The following SETSIP variants were observed in gnomAD, a reference collection of about 807,000 sequenced individuals.
SETSIP encodes protein SETSIP.
Under a neutral mutation model 21.9 loss-of-function variants are expected in SETSIP, and 15 were observed. That is an observed-to-expected ratio of 0.69 (90% CI 0.46 to 1.06). The LOEUF (loss-of-function observed/expected upper bound fraction) is 1.06, where lower values mean the gene tolerates loss of function less well. Among genes scored for constraint, SETSIP ranks in the 50% least tolerant of loss-of-function variants. SETSIP has a pLI of 0.00. For missense variants in SETSIP, 310 were observed against 337.4 expected (o/e 0.92, Z 0.64); for synonymous variants, 101 against 121.2 (o/e 0.83, Z 1.09).
In SETSIP at chr1:92,074,589, C is replaced by G. The variant is rs1647797668; in HGVS notation, c.823G>C (p.Asp275His). The change falls in exon 1 of 1, where the codon GAT becomes CAT. Residue 275 changes from aspartate (D) to histidine (H), a missense_variant. Transcript: ENST00000596516. ...TCCTCCCCTTCATCATCATCTTCATCTTCTTCACCTTCATCCTCATCCCCT... is the reference window on the plus strand; with the variant it reads ...TCCTCCCCTTCATCATCATCTTCATGTTCTTCACCTTCATCCTCATCCCCT... 3 of 1,564,872 alleles carry G rather than the reference C, an allele frequency of 1.9e-6. No individual in the cohort carries two copies. The African/African-American group carries it at 4.1e-5, about 21-fold the overall frequency.
exon 1 of SETSIP, chr1:92,075,044 A>T: frequency 6.2e-7 from 1 of 1,611,886 alleles, no homozygotes; most frequent in South Asian, 1.1e-5. Context: ...TGTCACTTCA[A>T]CTTTAGTCAA....
At chr1:92,075,117 A>G in exon 1 of SETSIP, 1 of 1,611,884 alleles carries the variant, frequency 6.2e-7, no homozygotes, top group Non-Finnish European at 8.5e-7. Flanking sequence ...TGGTTGACAA[A>G]TGTTGTTACC....
chr1:92,075,067 C>G lies in SETSIP; in HGVS notation c.345G>C (p.Glu115Asp), dbSNP rs183428671. The G allele has an allele frequency of 6.3e-5, 102 of 1,611,850 alleles. No individual in the cohort carries two copies. In the African/African-American group the frequency reaches 1.3e-3, roughly 20 times the overall value. ...CAACTTTAGTCAAATAATGCAGTGCCTCTTCGTCCTCCTCCCCAAGCAGTG... is the reference window on the plus strand; with the variant it reads ...CAACTTTAGTCAAATAATGCAGTGCGTCTTCGTCCTCCTCCCCAAGCAGTG... Residue 115 changes from glutamate to aspartate, a missense_variant, in exon 1 of 1, where the codon GAG becomes GAC. Transcript: ENST00000596516.
At position 92,074,680 on chromosome 1, in the gene SETSIP, TC is replaced by T. The variant is rs1329769140; in HGVS notation, c.731del (p.Gly244GlufsTer18). The T allele has an allele frequency of 6.3e-6, 10 of 1,591,122 alleles. No homozygotes were observed. The highest frequency in any genetic ancestry group is 8.5e-6 in the Non-Finnish European group (10 of 1,173,482). On this transcript the variant is annotated frameshift_variant, in exon 1 of 1. Transcript: ENST00000596516. LOFTEE classifies it high-confidence loss of function. ...CATCATCATCATCATCATCATCTTC[TC>T]CTCCTTCTTCATCATCCATATCAGG... is the stretch of plus-strand genomic sequence containing the variant.
At chr1:92,074,871 T>G in exon 1 of SETSIP, 1 of 1,611,796 alleles carries the variant, frequency 6.2e-7, no homozygotes. Context: ...CTTGAACGTT[T>G]CGTCACATCC....
chr1:92,074,677 T>A (rs536813340), exon 1 of SETSIP: 73 of 1,589,756 alleles, frequency 4.6e-5, no homozygotes, highest in Non-Finnish European at 5.8e-5. Context: ...CATCATCATC[T>A]TCTCCTCCTT....
rs566353062 is a variant in SETSIP, at chr1:92,075,160, C to A, written c.252G>T (p.Arg84Ser). 1.1e-3 allele frequency: 1,703 copies of A among 1,611,810 alleles called. 43 individuals are homozygous for A. The South Asian group carries it at 0.018, about 17-fold the overall frequency. ...TTGGGATTTTGGCGATCAATTCTGA[C>A]CTCTTCTGAAAAAATGGTTGGCGGA... The change falls in exon 1 of 1, where the codon AGG becomes AGT. Residue 84 changes from arginine (R) to serine (S), a missense_variant. Transcript: ENST00000596516.
rs535880609 is a variant in SETSIP at position 92,075,147 on chromosome 1, C to A, written c.265G>T (p.Ala89Ser). 11 of 1,611,768 alleles carry A rather than the reference C, an allele frequency of 6.8e-6. No homozygotes were observed. In the African/African-American group the frequency reaches 1.2e-4, roughly 18 times the overall value. Residue 89 changes from alanine to serine, a missense_variant, in exon 1 of 1, where the codon GCC becomes TCC. Transcript: ENST00000596516. ...GTTACCCCAAAATTTGGGATTTTGGCGATCAATTCTGACCTCTTCTGAAAA... is the reference window on the plus strand; with the variant it reads ...GTTACCCCAAAATTTGGGATTTTGGAGATCAATTCTGACCTCTTCTGAAAA...
exon 1 of SETSIP, chr1:92,074,990 A>C (rs1425763946): frequency 4.3e-5 from 70 of 1,611,450 alleles, no homozygotes; most frequent in Non-Finnish European, 5.8e-5. Context: ...ATTTTCATCA[A>C]AATAAAAATC....
chr1:92,075,340 C>T (rs1034660386), exon 1 of SETSIP: 3 of 1,611,336 alleles, frequency 1.9e-6, no homozygotes, highest in African/African-American at 1.3e-5. Context: ...ATGTCTCCTC[C>T]AGTCCCAGAG....
Position 92,074,559 on chromosome 1 carries a change from C to A in SETSIP, c.853G>T (p.Glu285Ter). 1.3e-6 allele frequency: 2 copies of A among 1,573,528 alleles called. No homozygotes were observed. The highest frequency in any genetic ancestry group is 1.9e-5 in the Admixed American group (1 of 51,812). ...TAGTCATCTTCTCCTTCATCCTCCT[C>A]TCCTTCCTCCCCTTCATCATCATCT... is the stretch of plus-strand genomic sequence containing the variant. The change falls in exon 1 of 1, where the codon GAG becomes TAG. Residue 285 changes from glutamate to a stop codon, truncating the protein, a stop_gained. Coordinates refer to ENST00000596516, the Ensembl canonical transcript of SETSIP. LOFTEE classifies it high-confidence loss of function.
chr1:92,074,818 T>C, exon 1 of SETSIP: 1 of 1,611,578 alleles, frequency 6.2e-7, no homozygotes, highest in Non-Finnish European at 8.5e-7. Flanking sequence ...AGCTCTCTGG[T>C]TCCTCATGCT....
chr1:92,075,410 A>T (rs1298732882), exon 1 of SETSIP: 2 of 1,576,864 alleles, frequency 1.3e-6, no homozygotes, highest in Non-Finnish European at 1.7e-6. Flanking sequence ...TTTAGGGGCC[A>T]TGCTGTTAGG....
chr1:92,074,881 CT>C lies in SETSIP; in HGVS notation c.530del (p.Lys177ArgfsTer3). On this transcript the variant is annotated frameshift_variant, in exon 1 of 1. Transcript: ENST00000596516. LOFTEE classifies it high-confidence loss of function. ...TTTGACTTGAACGTTTCGTCACATC[CT>C]TTCCAGATTTCCATTTGATTTTGGT... The C allele has an allele frequency of 1.9e-6, 3 of 1,611,812 alleles. No homozygotes were observed. The highest frequency in any genetic ancestry group is 2.5e-6 in the Non-Finnish European group (3 of 1,179,828).
At chr1:92,075,135 T>C (rs532521664) in exon 1 of SETSIP, 16 of 1,611,834 alleles carry the variant, frequency 9.9e-6, no homozygotes, top group Middle Eastern at 2.3e-4. Context: ...ACCCCAAAAT[T>C]TGGGATTTTG....
exon 1 of SETSIP, chr1:92,075,281 G>T: frequency 6.2e-7 from 1 of 1,611,952 alleles, no homozygotes; most frequent in Non-Finnish European, 8.5e-7. Context: ...GTGTTCAATT[G>T]CTTCTTGCTG....
At chr1:92,074,643 C>G (rs1647799280) in exon 1 of SETSIP, 1 of 1,578,176 alleles carries the variant, frequency 6.3e-7, no homozygotes, top group Admixed American at 1.8e-5. Flanking sequence ...TCTTCCTCCC[C>G]TTCATCACCA....
At chr1:92,074,678 TCTC>T (rs1009945456) in exon 1 of SETSIP, 9 of 1,590,772 alleles carry the variant, frequency 5.7e-6, no homozygotes, top group African/African-American at 5.4e-5. Context: ...ATCATCATCT[TCTC>T]CTCCTTCTTC....
chr1:92,075,353 G>A, exon 1 of SETSIP: 2 of 1,610,586 alleles, frequency 1.2e-6, no homozygotes, highest in Non-Finnish European at 1.7e-6. Context: ...TCCCAGAGCA[G>A]GAGGTGGTCT....
Sources: gnomAD v4.1 joint callset for allele counts on GRCh38, gnomAD v4.1.1 for gene constraint, MANE v1.5 for transcripts, NCBI Gene and HGNC (gene_info 2026-07-23, HGNC 2026-07-21) for gene names.